Variants in CTNND1 observed in about 807,000 individuals in gnomAD.
CTNND1 encodes catenin delta 1.
A neutral mutation model predicts 112.1 loss-of-function variants in CTNND1; 16 were observed. The ratio of observed to expected loss-of-function variants is 0.14; its 90% CI spans 0.10 to 0.22. The LOEUF is 0.22. Among genes scored for constraint, CTNND1 ranks in the 10% least tolerant of loss-of-function variants. The pLI is 1.00. For missense variants in CTNND1, 1,008 were observed against 1,257.0 expected (o/e 0.80, Z 3.00); for synonymous variants, 420 against 446.5 (o/e 0.94, Z 0.75).
At chr11:57,770,430 G>A (rs961493191) in intron 1 of CTNND1, among the ~76,000 whole-genome samples, 5 of 151,772 alleles carry the variant, frequency 3.3e-5, no homozygotes, top group African/African-American at 1.2e-4. Flanking sequence ...CGAGGCAGGC[G>A]GATCACGAGG....
intron 1 of CTNND1, among the ~76,000 whole-genome samples, chr11:57,765,370 C>T (rs1331051328): frequency 2.6e-5 from 4 of 151,588 alleles, no homozygotes; most frequent in African/African-American, 9.7e-5. Context: ...TGAAAGGAAG[C>T]AAAACAACAT....
chr11:57,804,715 G>A lies in CTNND1; in HGVS notation c.1657G>A (p.Gly553Ser), dbSNP rs772435976. 3 of 1,613,910 alleles carry A rather than the reference G, an allele frequency of 1.9e-6. No individual in the cohort carries two copies. The highest frequency in any genetic ancestry group is 2.5e-6 in the Non-Finnish European group (3 of 1,179,834). Reference protein sequence around the residue: ...EARRKLRECDGLVDALIFIVQ... With the variant: ...EARRKLRECDSLVDALIFIVQ... ...TCGCCGGAAACTTCGGGAATGTGAT[G>A]GTTTAGTTGATGCCCTCATTTTCAT... is the stretch of plus-strand genomic sequence containing the variant. Residue 553 changes from glycine to serine, a missense_variant, in exon 9 of 21, where the codon GGT (glycine) becomes AGT (serine). Gly to Ser is a moderately conservative substitution (Grantham distance 56). Coordinates refer to ENST00000399050, the MANE Select transcript of CTNND1 (RefSeq NM_001085458.2).
At chr11:57,807,412 C>G (rs953947052) in intron 12 of CTNND1, among the ~76,000 whole-genome samples, 8 of 151,942 alleles carry the variant, frequency 5.3e-5, no homozygotes, top group Non-Finnish European at 1.5e-5. Context: ...TTGAGACCAG[C>G]CTGGCCAACA....
intron 2 of CTNND1, among the ~76,000 whole-genome samples, chr11:57,789,392 A>T (rs984759750): frequency 6.6e-6 from 1 of 152,202 alleles, no homozygotes; most frequent in African/African-American, 2.4e-5. Context: ...AAACCCATTG[A>T]GTCCAACAGA....
At position 57,809,308 on chromosome 11, in the gene CTNND1, G is replaced by T. The variant is rs376307021; in HGVS notation, c.2277G>T (p.Leu759=). 216 of 1,613,702 alleles carry T rather than the reference G, an allele frequency of 1.3e-4. No individual in the cohort carries two copies. Among genetic ancestry groups the T allele is most frequent in the Admixed American group, 1.8e-4 (11 of 59,988 alleles). The part of the protein sequence containing the change: ...KHAIPNLVKN[L]PGGQQNSSWN... ...CTATTCCTAACTTGGTAAAGAATCT[G>T]CCAGGAGGACAGCAGAACTCCTCTT... is the stretch of plus-strand genomic sequence containing the variant. Residue 759 remains leucine, a synonymous_variant, in exon 15 of 21, where the codon CTG becomes CTT. Transcript: ENST00000399050.
At chr11:57,784,064 G>A (rs1465024857) in intron 1 of CTNND1, among the ~76,000 whole-genome samples, 1 of 151,700 alleles carries the variant, frequency 6.6e-6, no homozygotes, top group Non-Finnish European at 1.5e-5. Flanking sequence ...GGACTACAGT[G>A]TGCACCACCA....
rs569787101 is a variant in CTNND1 at position 57,806,802 on chromosome 11, G to A, written c.1895-113G>A. ...GCCCTCACCTGCCCCTTTTCCCCTC[G>A]TGGTGCATCTGTGATCAAAAGGTTC... On this transcript the variant is annotated intron_variant, in intron 11 of 20. Transcript: ENST00000399050. 1.9e-3 allele frequency: 1,646 copies of A among 882,716 alleles called. 6 individuals carry two copies. Among genetic ancestry groups the A allele is most frequent in the Non-Finnish European group, 2.6e-3 (1,472 of 558,284 alleles). 54.7% of individuals were successfully genotyped at this position (882,716 alleles called of 1,614,324 possible). A position where few individuals can be genotyped will look rare whatever the true frequency, so the allele number is the denominator to read the frequency against.
intron 1 of CTNND1, among the ~76,000 whole-genome samples, chr11:57,787,363 T>C (rs941601930): frequency 6.6e-6 from 1 of 152,220 alleles, no homozygotes; most frequent in Non-Finnish European, 1.5e-5. Context: ...TTTGATCCAG[T>C]TGATTTCATC....
intron 7 of CTNND1, 73 bp downstream of exon 7, chr11:57,802,269 C>T (rs2062079731): frequency 7.6e-7 from 1 of 1,311,840 alleles, no homozygotes; most frequent in Non-Finnish European, 1.1e-6. Context: ...AGAGGGATTT[C>T]CAGACCTTTT....
intron 15 of CTNND1, 65 bp from the exon 16 acceptor site, chr11:57,810,044 A>G: frequency 3.2e-6 from 4 of 1,236,112 alleles, no homozygotes; most frequent in Non-Finnish European, 4.6e-6. Context: ...ATTAGAGGAT[A>G]TAGGGTCTAA....
At chr11:57,810,254 C>A in intron 16 of CTNND1, 31 bp downstream of exon 16, 1 of 1,466,340 alleles carries the variant, frequency 6.8e-7, no homozygotes, top group Non-Finnish European at 9.3e-7. Context: ...AAGACTTTTA[C>A]TTTTTTTTTC....
At position 57,816,392 on chromosome 11, in the gene CTNND1, G is replaced by T. The variant is rs374037566; in HGVS notation, c.*84G>T. 80 of 1,568,100 alleles carry T rather than the reference G, an allele frequency of 5.1e-5. No individual in the cohort carries two copies. Among genetic ancestry groups the T allele is most frequent in the Non-Finnish European group, 6.5e-5 (74 of 1,141,936 alleles). ...TGACTGATGATTTTCCTTTTTCTTC[G>T]CTGGACTATTGTGCCAACTGCCAGG... On this transcript the variant is annotated 3_prime_UTR_variant, in exon 21 of 21. Coordinates refer to ENST00000399050, the MANE Select transcript of CTNND1 (RefSeq NM_001085458.2).
Position 57,788,226 on chromosome 11 carries a change from T to A in CTNND1, c.-213-811T>A, listed in dbSNP as rs962815222. On this transcript the variant is annotated intron_variant, in intron 1 of 20. Coordinates refer to ENST00000399050, the MANE Select transcript of CTNND1 (RefSeq NM_001085458.2). The surrounding 1 kb of genome is among the most constrained non-coding windows in gnomAD (Gnocchi z 4.1). Reference sequence around the variant, plus strand: ...GATGAAAGGGGAGCACCTTTTTTTTTAAAATAAGGGTGCTTATTCAAGAAA... The same window carrying A: ...GATGAAAGGGGAGCACCTTTTTTTTAAAAATAAGGGTGCTTATTCAAGAAA... 8.5e-5 allele frequency among the ~76,000 whole-genome samples: 13 copies of A among 152,132 alleles called. No individual in the cohort carries two copies. The highest frequency in any genetic ancestry group is 2.1e-4 in the South Asian group (1 of 4,828).
At chr11:57,772,839 C>T (rs1953035347) in intron 1 of CTNND1, among the ~76,000 whole-genome samples, 1 of 151,950 alleles carries the variant, frequency 6.6e-6, no homozygotes, top group Non-Finnish European at 1.5e-5. Context: ...CTCTCTCTCT[C>T]CCTCTCCCTC....
chr11:57,765,201 C>T (rs1339644223), intron 1 of CTNND1, among the ~76,000 whole-genome samples: 1 of 152,106 alleles, frequency 6.6e-6, no homozygotes, highest in Non-Finnish European at 1.5e-5. Flanking sequence ...TCTTGTCTTT[C>T]CCTCTAGACT....
intron 1 of CTNND1, among the ~76,000 whole-genome samples, chr11:57,786,297 G>A (rs913706281): frequency 6.6e-6 from 1 of 151,904 alleles, no homozygotes; most frequent in Admixed American, 6.6e-5. Context: ...ACTATGGGAG[G>A]CTGAGGCAGG....
Position 57,817,060 on chromosome 11 carries a change from A to G in CTNND1, c.*752A>G, listed in dbSNP as rs1279878626. 4 of 152,990 alleles carry G rather than the reference A, an allele frequency of 2.6e-5. No individual in the cohort carries two copies. Among genetic ancestry groups the G allele is most frequent in the Non-Finnish European group, 4.4e-5 (3 of 68,354 alleles). 9.5% of individuals were successfully genotyped at this position (152,990 alleles called of 1,614,324 possible). ...CTTAACCCACCTCTCCTGCCCTGTG[A>G]TATGTCTGCTGAGTTGGCCTGGCCA... On this transcript the variant is annotated 3_prime_UTR_variant, in exon 21 of 21. Transcript: ENST00000399050.
chr11:57,808,085 T>C, intron 12 of CTNND1, 80 bp from the exon 13 acceptor site: 1 of 1,466,208 alleles, frequency 6.8e-7, no homozygotes, highest in Non-Finnish European at 9.3e-7. Context: ...CTGAGAGTAC[T>C]AAGGCTGGAC....
At chr11:57,778,092 G>A (rs1170734968) in intron 1 of CTNND1, among the ~76,000 whole-genome samples, 3 of 152,116 alleles carry the variant, frequency 2.0e-5, no homozygotes, top group African/African-American at 7.2e-5. Flanking sequence ...TGACCTCTTT[G>A]CCGCCAGGAT....
Sources: gnomAD v4.1 joint callset for allele counts (sites outside exome capture counted in the v4.1 genomes callset) on GRCh38, gnomAD v4.1.1 for gene constraint, Gnocchi (gnomAD v3.1) non-coding constraint, MANE v1.5 for transcripts, NCBI Gene and HGNC (gene_info 2026-07-23, HGNC 2026-07-21) for gene names.